CACNB4: variants seen among roughly 807,000 people sequenced by gnomAD.
CACNB4 encodes the protein calcium voltage-gated channel auxiliary subunit beta 4.
A neutral mutation model predicts 71.2 loss-of-function variants in CACNB4; 32 were observed. The ratio of observed to expected loss-of-function variants is 0.45; its 90% CI spans 0.34 to 0.60. The LOEUF is 0.60. Among genes scored for constraint, CACNB4 ranks in the 20% least tolerant of loss-of-function variants. The pLI is 0.01. For synonymous variants in CACNB4, 231 were observed against 236.9 expected, an observed-to-expected ratio of 0.97 and a Z score of 0.23; for missense variants, 464 against 647.9, an observed-to-expected ratio of 0.72 and a Z score of 3.08.
chr2:151,903,235 C>T (rs62175712), intron 2 of CACNB4, among the ~76,000 whole-genome samples: 2,823 of 152,008 alleles, frequency 0.019, 34 homozygotes, highest in Middle Eastern at 0.031. Context: ...ACTTTGAGGC[C>T]GGGCATGGTG....
chr2:151,903,699 C>CATA (rs1559965348), intron 2 of CACNB4, among the ~76,000 whole-genome samples: 1 of 152,176 alleles, frequency 6.6e-6, no homozygotes, highest in Non-Finnish European at 1.5e-5. Context: ...CTGTGTGGCA[C>CATA]ATAGTAGGCA....
intron 2 of CACNB4, 32 bp from the exon 3 acceptor site, chr2:151,883,402 T>C: frequency 1.2e-6 from 2 of 1,612,554 alleles, no homozygotes; most frequent in Non-Finnish European, 1.7e-6. Flanking sequence ...TTTCAGATGA[T>C]GTGTAGCTTC....
intron 2 of CACNB4, among the ~76,000 whole-genome samples, chr2:152,034,508 T>G (rs1684454507): frequency 6.6e-6 from 1 of 152,232 alleles, no homozygotes; most frequent in South Asian, 2.1e-4. Flanking sequence ...CGGCCTCTCC[T>G]TTATTTCAAG....
At chr2:151,950,002 G>C (rs2151659809) in intron 2 of CACNB4, among the ~76,000 whole-genome samples, 1 of 151,436 alleles carries the variant, frequency 6.6e-6, no homozygotes, top group South Asian at 2.1e-4. Context: ...GAGCTGAGAT[G>C]GCATTCCAGC....
At chr2:152,023,285 C>T (rs903885575) in intron 2 of CACNB4, among the ~76,000 whole-genome samples, 4 of 151,998 alleles carry the variant, frequency 2.6e-5, no homozygotes, top group Admixed American at 6.6e-5. Context: ...GCCCTCAACA[C>T]GTGGGGATTA....
intron 2 of CACNB4, among the ~76,000 whole-genome samples, chr2:151,980,131 T>C (rs775663862): frequency 2.6e-5 from 4 of 152,158 alleles, no homozygotes; most frequent in Non-Finnish European, 5.9e-5. Flanking sequence ...TCCCAGGAGT[T>C]TTTCTCTTTG....
intron 2 of CACNB4, among the ~76,000 whole-genome samples, chr2:151,893,651 T>C (rs2099851320): frequency 2.0e-5 from 3 of 152,102 alleles, no homozygotes; most frequent in African/African-American, 4.8e-5. Flanking sequence ...ACACCTCTAC[T>C]ACCACTAACA....
intron 2 of CACNB4, among the ~76,000 whole-genome samples, chr2:152,034,389 G>A (rs1684447257): frequency 6.6e-6 from 1 of 152,076 alleles, no homozygotes; most frequent in African/African-American, 2.4e-5. Flanking sequence ...CCTCACACAG[G>A]GCTCTGGTGA....
intron 2 of CACNB4, among the ~76,000 whole-genome samples, chr2:152,064,697 A>C (rs1686209040): frequency 6.6e-6 from 1 of 152,234 alleles, no homozygotes; most frequent in South Asian, 2.1e-4. Flanking sequence ...AATGTACTTT[A>C]AAGTAGTACA....
At chr2:151,890,688 T>C (rs1304882438) in intron 2 of CACNB4, among the ~76,000 whole-genome samples, 1 of 152,202 alleles carries the variant, frequency 6.6e-6, no homozygotes, top group Non-Finnish European at 1.5e-5. Flanking sequence ...ATTAATCAAA[T>C]ACCAGAATCT....
chr2:151,855,191 T>C, intron 11 of CACNB4, 33 bp downstream of exon 11: 1 of 1,476,818 alleles, frequency 6.8e-7, no homozygotes, highest in Non-Finnish European at 9.2e-7. Flanking sequence ...AAAGATGCAC[T>C]TCTAAACCTT....
intron 2 of CACNB4, among the ~76,000 whole-genome samples, chr2:152,079,743 G>A (rs1020462329): frequency 1.3e-5 from 2 of 152,086 alleles, no homozygotes; most frequent in East Asian, 1.9e-4. Flanking sequence ...CGGTGATGGC[G>A]CCACTGTGCT....
chr2:151,974,443 T>A (rs1053824039), intron 2 of CACNB4, among the ~76,000 whole-genome samples: 33 of 152,192 alleles, frequency 2.2e-4, no homozygotes, highest in African/African-American at 6.0e-4. Context: ...GTAAAAGTTT[T>A]CAATATTCTC....
chr2:151,937,260 A>G (rs2099863142), intron 2 of CACNB4, among the ~76,000 whole-genome samples: 1 of 152,100 alleles, frequency 6.6e-6, no homozygotes, highest in Non-Finnish European at 1.5e-5. Context: ...CTCTCCATCA[A>G]ATCTCTTTCT....
At chr2:151,956,039 T>G (rs1222846321) in intron 2 of CACNB4, among the ~76,000 whole-genome samples, 1 of 152,256 alleles carries the variant, frequency 6.6e-6, no homozygotes, top group Non-Finnish European at 1.5e-5. Context: ...TACTTGAGAC[T>G]GAGCATTGCT....
chr2:151,866,189 A>G (rs1353366528), intron 9 of CACNB4: 1 of 152,208 alleles, frequency 6.6e-6, no homozygotes, highest in African/African-American at 2.4e-5. Flanking sequence ...AATAATTTCT[A>G]AGGTATCAAA....
At chr2:152,018,960 T>C (rs755368518) in intron 2 of CACNB4, among the ~76,000 whole-genome samples, 1 of 151,874 alleles carries the variant, frequency 6.6e-6, no homozygotes, top group Non-Finnish European at 1.5e-5. Context: ...GCTAAGAAAT[T>C]TATTGATGGG....
chr2:152,004,523 T>TTACA (rs1171354746), intron 2 of CACNB4, among the ~76,000 whole-genome samples: 536 of 9,612 alleles, frequency 0.056, 5 homozygotes, highest in African/African-American at 0.072. Flanking sequence ...CCCCCCTACT[T>TTACA]TACATACATA....
intron 2 of CACNB4, among the ~76,000 whole-genome samples, chr2:151,916,058 C>T (rs887908344): frequency 1.5e-5 from 2 of 130,646 alleles, no homozygotes; most frequent in Non-Finnish European, 3.6e-5. Context: ...TTCCTTCTCT[C>T]CGTGGGTCAC....
Sources: gnomAD v4.1 joint callset for allele counts (sites outside exome capture counted in the v4.1 genomes callset) on GRCh38, gnomAD v4.1.1 for gene constraint, MANE v1.5 for transcripts, NCBI Gene and HGNC (gene_info 2026-07-23, HGNC 2026-07-21) for gene names.